CLIC4: variants seen among roughly 807,000 people sequenced by gnomAD.
CLIC4 encodes the protein chloride intracellular channel protein 4.
A neutral mutation model predicts 24.6 loss-of-function variants in CLIC4; 13 were observed. The observed-to-expected ratio is 0.53, with a 90% confidence interval of 0.34 to 0.84. The LOEUF (loss-of-function observed/expected upper bound fraction) is 0.84. Ranked by LOEUF, CLIC4 falls within the 40% of genes least tolerant of loss-of-function variation. The probability of loss-of-function intolerance (pLI) is 0.01; values close to 1 mark genes in which losing one functional copy is unlikely to be tolerated. For missense variants in CLIC4, 227 were observed against 301.7 expected (o/e 0.75, Z 1.83); for synonymous variants, 104 against 111.3 (o/e 0.93, Z 0.41).
rs368673049 is a variant in CLIC4, at chr1:24,750,436, CT to C, written c.72+4828del. Among the ~76,000 whole-genome samples, 843 of 137,430 alleles carry C rather than the reference CT, an allele frequency of 6.1e-3. 2 individuals are homozygous for C. Among genetic ancestry groups the C allele is most frequent in the South Asian group, 8.7e-3 (37 of 4,268 alleles). 90.2% of individuals were successfully genotyped at this position (137,430 alleles called of 152,430 possible). A position where few individuals can be genotyped will look rare whatever the true frequency, so the allele number is the denominator to read the frequency against. On this transcript the variant is annotated intron_variant, in intron 1 of 5. Transcript: ENST00000374379. ...GGTTTCTTTCTTTCTTTCTTTCTTT[CT>C]TTTTTTTTTTTTTTTTAAGACGGAG...
intron 2 of CLIC4, among the ~76,000 whole-genome samples, chr1:24,806,549 T>C (rs1639552110): frequency 6.6e-6 from 1 of 152,192 alleles, no homozygotes; most frequent in Non-Finnish European, 1.5e-5. Context: ...CAAAACAAGA[T>C]AGACTATTCA....
intron 2 of CLIC4, among the ~76,000 whole-genome samples, chr1:24,811,705 C>T (rs1639617302): frequency 1.3e-5 from 2 of 152,094 alleles, no homozygotes; most frequent in Non-Finnish European, 2.9e-5. Context: ...CGCTTGAACT[C>T]CTGGACTCAA....
At chr1:24,803,458 A>G (rs1244231427) in intron 2 of CLIC4, among the ~76,000 whole-genome samples, 3 of 152,124 alleles carry the variant, frequency 2.0e-5, no homozygotes, top group Non-Finnish European at 4.4e-5. Context: ...TTCTCTTTGA[A>G]TCTCAGTTGG....
rs1051467968 is a variant in CLIC4 at position 24,780,949 on chromosome 1, C to T, written c.73-16793C>T. Among the ~76,000 whole-genome samples, 10 of 151,612 alleles carry T rather than the reference C, an allele frequency of 6.6e-5. 1 individual carries two copies. Among genetic ancestry groups the T allele is most frequent in the Admixed American group, 4.6e-4 (7 of 15,236 alleles). ...CTAAAAATACAAAACTAGCTGGGCACGGTGGCGCATGCCTGTAATCCCAGC... is the reference window on the plus strand; with the variant it reads ...CTAAAAATACAAAACTAGCTGGGCATGGTGGCGCATGCCTGTAATCCCAGC... On this transcript the variant is annotated intron_variant, in intron 1 of 5. Coordinates refer to ENST00000374379, the MANE Select transcript of CLIC4 (RefSeq NM_013943.3).
chr1:24,814,268 C>T, intron 3 of CLIC4, 49 bp downstream of exon 3: 1 of 1,582,126 alleles, frequency 6.3e-7, no homozygotes, highest in Non-Finnish European at 8.6e-7. Context: ...TTCTTTGAAG[C>T]TTGTGTTATT....
chr1:24,774,776 C>G (rs58392164), intron 1 of CLIC4, among the ~76,000 whole-genome samples: 1 of 150,402 alleles, frequency 6.6e-6, no homozygotes, highest in African/African-American at 2.4e-5. Context: ...GGGACCTTGT[C>G]TGAAAAAAAA....
intron 1 of CLIC4, chr1:24,771,921 C>T (rs1023297865): frequency 3.6e-5 from 18 of 499,196 alleles, no homozygotes; most frequent in African/African-American, 3.5e-4. Context: ...ATGTTCAGTC[C>T]AGTTTGTATT....
In CLIC4 at chr1:24,839,910, A is replaced by C; in HGVS notation, c.466A>C (p.Asn156His). The C allele has an allele frequency of 6.2e-7, 1 of 1,612,792 alleles. No homozygotes were observed. Among genetic ancestry groups the C allele is most frequent in the Non-Finnish European group, 8.5e-7 (1 of 1,179,980 alleles). The change falls in exon 5 of 6, where the codon AAT (asparagine) becomes CAT (histidine). Residue 156 changes from asparagine (N) to histidine (H), a missense_variant. By Grantham distance (68) the Asn-to-His change is moderately conservative. Coordinates refer to ENST00000374379, the MANE Select transcript of CLIC4 (RefSeq NM_013943.3). Reference protein sequence around the residue: ...KTLQKLDEYLNSPLPDEIDEN... With the variant: ...KTLQKLDEYLHSPLPDEIDEN... ...CCTGCAGAAACTGGATGAATATCTGAATTCTCCTCTCCCTGATGAAATTGA... is the reference window on the plus strand; with the variant it reads ...CCTGCAGAAACTGGATGAATATCTGCATTCTCCTCTCCCTGATGAAATTGA...
At chr1:24,804,828 A>C (rs962512810) in intron 2 of CLIC4, among the ~76,000 whole-genome samples, 1 of 152,046 alleles carries the variant, frequency 6.6e-6, no homozygotes, top group African/African-American at 2.4e-5. Flanking sequence ...GGGCCAGGCA[A>C]AGTGGCTCAC....
chr1:24,755,934 G>C (rs1193671659), intron 1 of CLIC4, among the ~76,000 whole-genome samples: 1 of 150,640 alleles, frequency 6.6e-6, no homozygotes, highest in Non-Finnish European at 1.5e-5. Flanking sequence ...CGATTCTCCT[G>C]CCTCAACCTC....
intron 4 of CLIC4, among the ~76,000 whole-genome samples, chr1:24,830,317 C>A (rs1639827297): frequency 6.6e-6 from 1 of 152,078 alleles, no homozygotes. Context: ...TGCAGTTATA[C>A]TTTTCACTTA....
At chr1:24,755,701 T>A (rs1004319258) in intron 1 of CLIC4, among the ~76,000 whole-genome samples, 3 of 149,954 alleles carry the variant, frequency 2.0e-5, no homozygotes, top group African/African-American at 7.3e-5. Flanking sequence ...AAAACAAAAT[T>A]AAAAAAAAAA....
chr1:24,786,877 C>G (rs953492663), intron 1 of CLIC4, among the ~76,000 whole-genome samples: 3 of 151,870 alleles, frequency 2.0e-5, no homozygotes, highest in African/African-American at 7.3e-5. Context: ...CTTGGCCTCC[C>G]AAAGTGCTGG....
chr1:24,752,389 C>G (rs910848738), intron 1 of CLIC4, among the ~76,000 whole-genome samples: 1 of 152,138 alleles, frequency 6.6e-6, no homozygotes, highest in Non-Finnish European at 1.5e-5. Context: ...CTTTCCTCCT[C>G]AGAGTCATTA....
intron 1 of CLIC4, among the ~76,000 whole-genome samples, chr1:24,784,407 T>G (rs770889188): frequency 2.6e-4 from 39 of 152,310 alleles, no homozygotes; most frequent in Non-Finnish European, 4.6e-4. Context: ...TTAGTGGTCT[T>G]AACCACCATT....
chr1:24,788,003 G>T (rs1000870009), intron 1 of CLIC4, among the ~76,000 whole-genome samples: 1 of 151,816 alleles, frequency 6.6e-6, no homozygotes, highest in South Asian at 2.1e-4. Flanking sequence ...TTACAGGCAC[G>T]TACCAGCACG....
intron 4 of CLIC4, among the ~76,000 whole-genome samples, chr1:24,835,568 A>G (rs760317020): frequency 5.3e-5 from 8 of 152,174 alleles, no homozygotes; most frequent in Non-Finnish European, 7.3e-5. Flanking sequence ...CTGTCTATAA[A>G]TAAATAAATA....
At chr1:24,787,730 A>T (rs1388381076) in intron 1 of CLIC4, among the ~76,000 whole-genome samples, 96 of 144,860 alleles carry the variant, frequency 6.6e-4, no homozygotes, top group African/African-American at 2.4e-3. Context: ...TATATTTAGT[A>T]CAGATGGGGT....
rs201317813 is a variant in CLIC4 at position 24,747,271 on chromosome 1, C to CA, written c.72+1647dup. Among the ~76,000 whole-genome samples the CA allele has an allele frequency of 8.1e-3, 1,233 of 151,926 alleles. 14 individuals are homozygous for CA. Among genetic ancestry groups the CA allele is most frequent in the African/African-American group, 0.028 (1,141 of 41,424 alleles). On this transcript the variant is annotated intron_variant, in intron 1 of 5. Transcript: ENST00000374379. ...AGGAAGGAGGCCGGGCGCGGTGGCT[C>CA]ACGCCTGTAATCCCAGCACTTTGGG...
Sources: gnomAD v4.1 joint callset for allele counts (sites outside exome capture counted in the v4.1 genomes callset) on GRCh38, gnomAD v4.1.1 for gene constraint, MANE v1.5 for transcripts, NCBI Gene and HGNC (gene_info 2026-07-23, HGNC 2026-07-21) for gene names.